Variants in NCKAP5 observed in about 807,000 individuals in gnomAD.
The protein encoded by NCKAP5 is nck-associated protein 5.
A neutral mutation model predicts 167.0 loss-of-function variants in NCKAP5; 92 were observed. The observed-to-expected ratio is 0.55, with a 90% CI of 0.47 to 0.66. The LOEUF (loss-of-function observed/expected upper bound fraction) is 0.66, where lower values mean the gene tolerates loss of function less well. Among genes scored for constraint, NCKAP5 ranks in the 30% least tolerant of loss-of-function variants. The pLI, the probability that NCKAP5 is intolerant of heterozygous loss-of-function variation, is 0.00. For missense variants in NCKAP5, 2,378 were observed against 2,315.0 expected (o/e 1.03, Z -0.56); for synonymous variants, 891 against 877.4 (o/e 1.02, Z -0.27).
At chr2:132,704,587 C>G (rs1688178125) in intron 19 of NCKAP5, among the ~76,000 whole-genome samples, 1 of 152,212 alleles carries the variant, frequency 6.6e-6, no homozygotes, top group Admixed American at 6.5e-5. Context: ...TCTGCTTATT[C>G]TCTCTAATAC....
chr2:133,332,314 G>T (rs1196406098), intron 3 of NCKAP5, among the ~76,000 whole-genome samples: 1 of 151,928 alleles, frequency 6.6e-6, no homozygotes. Flanking sequence ...AATAAATACG[G>T]CAAGCCTCCA....
chr2:133,423,239 A>C (rs919882781), intron 3 of NCKAP5, among the ~76,000 whole-genome samples: 1 of 152,164 alleles, frequency 6.6e-6, no homozygotes, highest in African/African-American at 2.4e-5. Context: ...TCCAGTGAAA[A>C]CTGATGACCC....
intron 3 of NCKAP5, among the ~76,000 whole-genome samples, chr2:133,416,705 T>G (rs1251848040): frequency 6.6e-6 from 1 of 151,788 alleles, no homozygotes; most frequent in South Asian, 2.1e-4. Context: ...AGCCACCACC[T>G]GTGGAATTTT....
intron 5 of NCKAP5, among the ~76,000 whole-genome samples, chr2:133,142,790 A>G (rs1454951417): frequency 6.6e-6 from 1 of 152,134 alleles, no homozygotes; most frequent in Non-Finnish European, 1.5e-5. Flanking sequence ...GTCGCTGTGG[A>G]CAGAGAAGAT....
At chr2:133,148,563 C>G (rs1399346701) in intron 5 of NCKAP5, among the ~76,000 whole-genome samples, 1 of 152,084 alleles carries the variant, frequency 6.6e-6, no homozygotes, top group Non-Finnish European at 1.5e-5. Context: ...GCTACTATAA[C>G]AAAAATCCTA....
intron 3 of NCKAP5, among the ~76,000 whole-genome samples, chr2:133,417,276 G>C (rs1689177525): frequency 6.6e-6 from 1 of 152,096 alleles, no homozygotes; most frequent in Admixed American, 6.5e-5. Flanking sequence ...AGAATGGCCA[G>C]CTCTCTCAGT....
chr2:132,956,306 G>T (rs1014174807), intron 8 of NCKAP5, among the ~76,000 whole-genome samples: 1 of 152,174 alleles, frequency 6.6e-6, no homozygotes, highest in Non-Finnish European at 1.5e-5. Flanking sequence ...AGCTTTAAAT[G>T]TCACTCTAAA....
intron 16 of NCKAP5, among the ~76,000 whole-genome samples, chr2:132,766,449 C>T (rs1007769473): frequency 2.0e-5 from 3 of 152,106 alleles, no homozygotes; most frequent in East Asian, 3.9e-4. Context: ...AACCATGGCA[C>T]TTTACAGTTT....
chr2:133,565,105 G>A (rs1688454555), intron 1 of NCKAP5, among the ~76,000 whole-genome samples: 1 of 152,226 alleles, frequency 6.6e-6, no homozygotes, highest in Non-Finnish European at 1.5e-5. Context: ...GATAAACTGA[G>A]TGTGTGGAGA....
At chr2:133,114,229 T>G (rs573773329) in intron 6 of NCKAP5, among the ~76,000 whole-genome samples, 1 of 152,338 alleles carries the variant, frequency 6.6e-6, no homozygotes, top group South Asian at 2.1e-4. Flanking sequence ...CAACTAATAA[T>G]CTATAAGAAA....
intron 2 of NCKAP5, among the ~76,000 whole-genome samples, chr2:133,535,157 T>C (rs994878198): frequency 3.9e-5 from 6 of 152,172 alleles, no homozygotes; most frequent in Admixed American, 2.0e-4. Context: ...AAAACTAGAT[T>C]CAGGAGATAC....
intron 12 of NCKAP5, among the ~76,000 whole-genome samples, chr2:132,794,223 CATAT>C (rs1166750939): frequency 0.016 from 334 of 21,078 alleles, 6 homozygotes; most frequent in Middle Eastern, 0.083. Context: ...AATGTTTATA[CATAT>C]ATATATATAT....
chr2:132,876,494 G>A (rs1367424652), intron 9 of NCKAP5, among the ~76,000 whole-genome samples: 2 of 152,116 alleles, frequency 1.3e-5, no homozygotes, highest in East Asian at 3.9e-4. Flanking sequence ...TTGTTAGTTT[G>A]TTTAATTAGC....
chr2:133,652,218 G>A, the NCKAP5 span, among the ~76,000 whole-genome samples: 1 of 152,158 alleles, frequency 6.6e-6, no homozygotes, highest in African/African-American at 2.4e-5. Flanking sequence ...AGGAAAGACA[G>A]AATCGGGAAT....
chr2:132,837,082 G>A lies in NCKAP5; in HGVS notation c.807+23410C>T, dbSNP rs144126826. On this transcript the variant is annotated intron_variant, in intron 11 of 19. Transcript: ENST00000409261. ...TTGAGCATTTCATTCCACTGTGATC[G>A]TGACAGTGATGCTACTGAGAAATCA... Among the ~76,000 whole-genome samples the A allele has an allele frequency of 2.1e-3, 320 of 152,254 alleles. 3 individuals are homozygous for A. Among genetic ancestry groups the A allele is most frequent in the African/African-American group, 7.3e-3 (304 of 41,550 alleles).
Position 133,436,672 on chromosome 2 carries a change from C to T in NCKAP5, c.69+80786G>A, listed in dbSNP as rs540867210. Among the ~76,000 whole-genome samples the T allele has an allele frequency of 1.7e-4, 26 of 152,330 alleles. 1 individual carries two copies. The South Asian group carries it at 5.2e-3, about 30-fold the overall frequency. On this transcript the variant is annotated intron_variant, in intron 3 of 19. Transcript: ENST00000409261. The stretch of plus-strand genomic sequence containing the variant: ...ACTCTTCACCTGGGGAACCTCTACT[C>T]ATCCTGAGAGACTCGGCTTCGGCGT...
intron 8 of NCKAP5, chr2:132,930,911 G>A (rs1696325304): frequency 6.6e-6 from 1 of 152,024 alleles, no homozygotes; most frequent in African/African-American, 2.4e-5. Flanking sequence ...CTATAAAATA[G>A]GTACTGTTAT....
chr2:132,779,338 A>G (rs950297010), intron 15 of NCKAP5, among the ~76,000 whole-genome samples: 1 of 152,194 alleles, frequency 6.6e-6, no homozygotes, highest in Non-Finnish European at 1.5e-5. Flanking sequence ...GGCTGTCAGG[A>G]CCATATTAAA....
chr2:133,532,172 T>C lies in NCKAP5; in HGVS notation c.-61-14585A>G, dbSNP rs1038649779. Among the ~76,000 whole-genome samples, 134 of 152,228 alleles carry C rather than the reference T, an allele frequency of 8.8e-4. 1 individual carries two copies. Among genetic ancestry groups the C allele is most frequent in the African/African-American group, 2.9e-3 (121 of 41,462 alleles). On this transcript the variant is annotated intron_variant, in intron 2 of 19. Coordinates refer to ENST00000409261, the MANE Select transcript of NCKAP5 (RefSeq NM_207363.3). ...GATTTATCCATGCTGATAAGAGAAT[T>C]CTAGTTTATTTTTAAATACTTTAGG...
Sources: allele counts gnomAD v4.1 joint callset (sites outside exome capture counted in the v4.1 genomes callset), GRCh38; gene constraint gnomAD v4.1.1; transcripts MANE v1.5; gene names NCBI Gene and HGNC (gene_info 2026-07-23, HGNC 2026-07-21).